Variants in KLHL7 observed in about 807,000 individuals in gnomAD.
KLHL7 encodes the protein kelch like family member 7.
Under a neutral mutation model 67.4 loss-of-function variants are expected in KLHL7, and 44 were observed. That is an observed-to-expected ratio of 0.65 (90% confidence interval 0.51 to 0.84). The LOEUF (loss-of-function observed/expected upper bound fraction) is 0.84, where lower values mean the gene tolerates loss of function less well. Among genes scored for constraint, KLHL7 ranks in the 40% least tolerant of loss-of-function variants. The pLI, the probability that KLHL7 is intolerant of heterozygous loss-of-function variation, is 0.00. For missense variants in KLHL7, 362 were observed against 718.1 expected (o/e 0.50, Z 5.67); for synonymous variants, 252 against 243.3 (o/e 1.04, Z -0.33).
chr7:23,153,937 C>T (rs1389808475), intron 7 of KLHL7, among the ~76,000 whole-genome samples: 1 of 152,174 alleles, frequency 6.6e-6, no homozygotes, highest in African/African-American at 2.4e-5. Flanking sequence ...GCTCCACAGA[C>T]TTTTCTATAA....
rs1562571985 is a variant in KLHL7, at chr7:23,140,942, C to T, written c.616C>T (p.Gln206Ter). 6.2e-7 allele frequency: 1 copy of T among 1,613,384 alleles called. No individual in the cohort carries two copies. The highest frequency in any genetic ancestry group is 8.5e-7 in the Non-Finnish European group (1 of 1,179,578). ...CACTCTGACTGTGAGAGCAGAGGAT[C>T]AGGTGACTAAATTGCCTTCTCACAT... ...QDTLTVRAEDQVYDAAVRWLK... is the reference protein window; with the variant it reads ...QDTLTVRAED Residue 206 changes from glutamine to a stop codon, truncating the protein, a stop_gained and splice_region_variant, in exon 5 of 11, where the codon CAG becomes TAG. Coordinates refer to ENST00000339077, the MANE Select transcript of KLHL7 (RefSeq NM_001031710.3). LOFTEE classifies it high-confidence loss of function.
Position 23,105,816 on chromosome 7 carries a change from A to C in KLHL7, c.-211A>C. On this transcript the variant is annotated 5_prime_UTR_variant, in exon 1 of 11. Transcript: ENST00000339077. ...TGCCCGGGGACGCAGCCCAGTTGGT[A>C]GCGTCGCTCCCTGAGCGTTTCTAAG... 4.6e-6 allele frequency: 3 copies of C among 646,006 alleles called. No individual in the cohort carries two copies. Among genetic ancestry groups the C allele is most frequent in the African/African-American group, 1.8e-5 (1 of 54,874 alleles). 40.0% of individuals were successfully genotyped at this position (646,006 alleles called of 1,614,324 possible). A position where few individuals can be genotyped will look rare whatever the true frequency, so the allele number is the denominator to read the frequency against.
At chr7:23,159,769 A>G (rs1235906934) in intron 7 of KLHL7, among the ~76,000 whole-genome samples, 9 of 152,124 alleles carry the variant, frequency 5.9e-5, no homozygotes, top group African/African-American at 1.9e-4. Context: ...AGCTCAAGCA[A>G]TCTGCCTGCC....
intron 1 of KLHL7, among the ~76,000 whole-genome samples, chr7:23,118,923 T>G (rs554521338): frequency 6.6e-6 from 1 of 151,708 alleles, no homozygotes; most frequent in Non-Finnish European, 1.5e-5. Flanking sequence ...GAAAAAAAAA[T>G]TAGCCAGGCA....
intron 4 of KLHL7, among the ~76,000 whole-genome samples, chr7:23,128,811 C>T (rs1292529706): frequency 6.6e-6 from 1 of 152,156 alleles, no homozygotes; most frequent in Admixed American, 6.5e-5. Context: ...TTTGCCTATT[C>T]TGAGTGTTTC....
chr7:23,121,823 C>T (rs1399804222), intron 1 of KLHL7, among the ~76,000 whole-genome samples: 1 of 151,944 alleles, frequency 6.6e-6, no homozygotes, highest in Non-Finnish European at 1.5e-5. Flanking sequence ...GCTGGGACTA[C>T]AGGTGCCCAC....
intron 6 of KLHL7, among the ~76,000 whole-genome samples, chr7:23,148,719 A>C (rs1010058461): frequency 2.6e-5 from 4 of 152,214 alleles, no homozygotes; most frequent in African/African-American, 9.7e-5. Flanking sequence ...TCTAGTGTTT[A>C]GTTATTACAT....
chr7:23,159,625 A>G (rs1319781037), intron 7 of KLHL7, among the ~76,000 whole-genome samples: 2 of 152,074 alleles, frequency 1.3e-5, no homozygotes, highest in Non-Finnish European at 2.9e-5. Flanking sequence ...TCAACCTCCC[A>G]GGCTCAAGCA....
chr7:23,173,393 T>C (rs537890700), intron 10 of KLHL7, among the ~76,000 whole-genome samples: 3 of 152,342 alleles, frequency 2.0e-5, no homozygotes, highest in African/African-American at 7.2e-5. Context: ...ATACAAGTTT[T>C]AAGGCTTGTA....
intron 7 of KLHL7, chr7:23,155,926 A>G: frequency 3.7e-6 from 1 of 272,750 alleles, no homozygotes; most frequent in South Asian, 2.1e-5. Flanking sequence ...ATGTGGGATG[A>G]CTCTTAGCAC....
chr7:23,109,016 G>C (rs1465471539), intron 1 of KLHL7, among the ~76,000 whole-genome samples: 1 of 152,226 alleles, frequency 6.6e-6, no homozygotes, highest in South Asian at 2.1e-4. Flanking sequence ...ATGCCTTTTG[G>C]TATGCATATG....
At chr7:23,159,195 C>G (rs1309439808) in intron 7 of KLHL7, among the ~76,000 whole-genome samples, 6 of 152,134 alleles carry the variant, frequency 3.9e-5, no homozygotes, top group Non-Finnish European at 8.8e-5. Context: ...GTTTTTAAAA[C>G]AGGGTCTTCC....
chr7:23,135,708 C>T (rs12154604), intron 4 of KLHL7, among the ~76,000 whole-genome samples: 3,872 of 152,286 alleles, frequency 0.025, 65 homozygotes, highest in Admixed American at 0.052. Flanking sequence ...TACTCTGTCC[C>T]GGCTTCCTTT....
rs78672325 is a variant in KLHL7 at position 23,175,587 on chromosome 7, A to G, written c.*1289A>G. On this transcript the variant is annotated 3_prime_UTR_variant, in exon 11 of 11. Coordinates refer to ENST00000339077, the MANE Select transcript of KLHL7 (RefSeq NM_001031710.3). ...AATTAGGAAAAACATAATGATAGGT[A>G]TATTTCTATTTGTGTAGGGTTTTTT... is the stretch of plus-strand genomic sequence containing the variant. 6.0e-4 allele frequency: 191 copies of G among 316,994 alleles called. 1 individual carries two copies. Among genetic ancestry groups the G allele is most frequent in the African/African-American group, 3.9e-3 (175 of 45,436 alleles). The allele number at this position is 316,994 out of a possible 1,614,324, so 19.6% of individuals were successfully genotyped here.
chr7:23,139,632 G>C (rs778761884), intron 4 of KLHL7, among the ~76,000 whole-genome samples: 1 of 152,098 alleles, frequency 6.6e-6, no homozygotes, highest in African/African-American at 2.4e-5. Flanking sequence ...AACCTTTATG[G>C]CACAAATATG....
intron 1 of KLHL7, chr7:23,118,057 G>T: frequency 6.9e-7 from 1 of 1,452,152 alleles, no homozygotes. Context: ...CAGCACATGT[G>T]ATTAAAAGCT....
intron 5 of KLHL7, 39 bp from the exon 6 acceptor site, chr7:23,143,812 G>C: frequency 1.3e-6 from 2 of 1,597,454 alleles, no homozygotes; most frequent in Non-Finnish European, 1.7e-6. Context: ...AAATGTTGCT[G>C]TCTTCTAAGA....
At chr7:23,115,572 C>T (rs1236250003) in intron 1 of KLHL7, among the ~76,000 whole-genome samples, 1 of 151,322 alleles carries the variant, frequency 6.6e-6, no homozygotes, top group Non-Finnish European at 1.5e-5. Flanking sequence ...GAGATGGAGT[C>T]TCGCTCTGTC....
In KLHL7 at chr7:23,159,634, C is replaced by CA. The variant is rs1784805344; in HGVS notation, c.937-6063dup. ...GCAGCCTCAACCTCCCAGGCTCAAGCAGTCCTCTCACCTCAGCCTCCTGAG... is the reference window on the plus strand; with the variant it reads ...GCAGCCTCAACCTCCCAGGCTCAAGCAAGTCCTCTCACCTCAGCCTCCTGAG... On this transcript the variant is annotated intron_variant, in intron 7 of 10. Transcript: ENST00000339077. 2.6e-5 allele frequency among the ~76,000 whole-genome samples: 4 copies of CA among 152,114 alleles called. No individual in the cohort carries two copies. In the South Asian group the frequency reaches 8.3e-4, roughly 32 times the overall value.
Sources: allele counts gnomAD v4.1 joint callset (sites outside exome capture counted in the v4.1 genomes callset), GRCh38; gene constraint gnomAD v4.1.1; transcripts MANE v1.5; gene names NCBI Gene and HGNC (gene_info 2026-07-23, HGNC 2026-07-21).